The following CNTN4 variants were observed in gnomAD, a reference collection of about 807,000 sequenced individuals.
CNTN4 encodes contactin 4.
In CNTN4, 77 loss-of-function variants were observed where a neutral mutation model predicts 122.5. That is an observed-to-expected ratio of 0.63 (90% CI 0.52 to 0.76). CNTN4 has a LOEUF of 0.76. Ranked by LOEUF, CNTN4 falls within the 30% of genes least tolerant of loss-of-function variation. The pLI, the probability that CNTN4 is intolerant of heterozygous loss-of-function variation, is 0.00. For synonymous variants in CNTN4, 512 were observed against 447.0 expected (o/e 1.15, Z -1.83); for missense variants, 1,256 against 1,259.1 (o/e 1.00, Z 0.04).
chr3:2,797,272 G>A (rs769797086), intron 6 of CNTN4, among the ~76,000 whole-genome samples: 5 of 152,238 alleles, frequency 3.3e-5, no homozygotes, highest in African/African-American at 9.6e-5. Context: ...GGGATTACAG[G>A]CGTGAACCAC....
At chr3:2,359,721 A>G (rs1195671511) in intron 3 of CNTN4, among the ~76,000 whole-genome samples, 3 of 152,032 alleles carry the variant, frequency 2.0e-5, no homozygotes, top group Non-Finnish European at 4.4e-5. Flanking sequence ...TTGTATTTTT[A>G]GTAGAGACAG....
intron 23 of CNTN4, among the ~76,000 whole-genome samples, chr3:3,053,282 A>G (rs1291225661): frequency 6.6e-6 from 1 of 152,158 alleles, no homozygotes; most frequent in Non-Finnish European, 1.5e-5. Context: ...TGAGTCACCC[A>G]CCTTGGCCTC....
chr3:2,697,728 T>C (rs1398274254), intron 4 of CNTN4, among the ~76,000 whole-genome samples: 3 of 152,148 alleles, frequency 2.0e-5, no homozygotes, highest in African/African-American at 4.8e-5. Flanking sequence ...AAAAAAAAGA[T>C]ACTTATTTTA....
In CNTN4 at chr3:2,129,152, C is replaced by T. The variant is rs143385948; in HGVS notation, c.-145+28513C>T. Among the ~76,000 whole-genome samples, 9 of 151,052 alleles carry T rather than the reference C, an allele frequency of 6.0e-5. 1 individual carries two copies. In the East Asian group the frequency reaches 1.8e-3, roughly 30 times the overall value. ...AATTTCACCAACTTTATGAAGCTAA[C>T]ATTTCCTGAGCTTTAACATTTTTCA... On this transcript the variant is annotated intron_variant, in intron 2 of 24. Coordinates refer to ENST00000418658, the MANE Select transcript of CNTN4 (RefSeq NM_175607.3).
chr3:2,837,853 A>G (rs2093262888), intron 7 of CNTN4, among the ~76,000 whole-genome samples: 1 of 152,172 alleles, frequency 6.6e-6, no homozygotes, highest in African/African-American at 2.4e-5. Flanking sequence ...TTGGTAGCAG[A>G]TACCATACCA....
intron 4 of CNTN4, among the ~76,000 whole-genome samples, chr3:2,706,096 C>T (rs2086718419): frequency 1.3e-5 from 2 of 149,030 alleles, no homozygotes; most frequent in Non-Finnish European, 3.0e-5. Flanking sequence ...TTCTCATCTT[C>T]TTTGGTAGAG....
chr3:2,377,315 A>G (rs1315533149), intron 3 of CNTN4, among the ~76,000 whole-genome samples: 2 of 152,184 alleles, frequency 1.3e-5, no homozygotes, highest in African/African-American at 2.4e-5. Flanking sequence ...ACTCTCTTTA[A>G]TATGAGTGCT....
At chr3:2,402,250 C>T (rs1200796971) in intron 3 of CNTN4, among the ~76,000 whole-genome samples, 2 of 152,038 alleles carry the variant, frequency 1.3e-5, no homozygotes, top group Non-Finnish European at 2.9e-5. Flanking sequence ...CACCTCTTTT[C>T]TGTTTGACAG....
At position 2,887,170 on chromosome 3, in the gene CNTN4, G is replaced by A. The variant is rs1335106451; in HGVS notation, c.886G>A (p.Val296Ile). ...QQEDAGLYEC[V>I]AENSRGKNVA... ...GGAGGATGCTGGTTTATATGAATGTGTAGCTGAAAATTCCAGAGGGAAAAA... is the reference window on the plus strand; with the variant it reads ...GGAGGATGCTGGTTTATATGAATGTATAGCTGAAAATTCCAGAGGGAAAAA... Residue 296 changes from valine (V) to isoleucine (I), a missense_variant, in exon 10 of 25, where the codon GTA (valine) becomes ATA (isoleucine). Physicochemically the swap from Val to Ile is conservative, Grantham distance 29. Coordinates refer to ENST00000418658, the MANE Select transcript of CNTN4 (RefSeq NM_175607.3). 1.2e-6 allele frequency: 2 copies of A among 1,614,062 alleles called. No homozygotes were observed. The highest frequency in any genetic ancestry group is 1.1e-5 in the South Asian group (1 of 91,080).
intron 23 of CNTN4, among the ~76,000 whole-genome samples, chr3:3,044,528 A>G (rs1700446041): frequency 6.6e-6 from 1 of 152,190 alleles, no homozygotes; most frequent in African/African-American, 2.4e-5. Flanking sequence ...TCCTCACAGT[A>G]TGGTGACCTC....
intron 2 of CNTN4, among the ~76,000 whole-genome samples, chr3:2,170,298 C>A (rs140418475): frequency 1.7e-4 from 26 of 151,608 alleles, no homozygotes; most frequent in East Asian, 1.2e-3. Context: ...CCAGCCTGGG[C>A]GACACACCAA....
chr3:3,018,705 T>G (rs931360858), intron 14 of CNTN4, among the ~76,000 whole-genome samples: 4 of 152,200 alleles, frequency 2.6e-5, no homozygotes, highest in African/African-American at 9.7e-5. Flanking sequence ...CACACATAGA[T>G]ATTTCCCAGC....
chr3:2,709,338 G>A lies in CNTN4; in HGVS notation c.56-26877G>A, dbSNP rs570949765. On this transcript the variant is annotated intron_variant, in intron 4 of 24. Transcript: ENST00000418658. This position sits in a 1 kb window ranked among gnomAD's most constrained non-coding sequence, Gnocchi z 5.0. ...CTTGGCTGCATATTAGAATCATCTG[G>A]GGGTCCTTAAAAAATACTGATGCGT... Among the ~76,000 whole-genome samples, 4 of 152,084 alleles carry A rather than the reference G, an allele frequency of 2.6e-5. No individual in the cohort carries two copies. Among genetic ancestry groups the A allele is most frequent in the South Asian group, 4.1e-4 (2 of 4,824 alleles).
At chr3:2,196,539 A>G (rs926802949) in intron 2 of CNTN4, among the ~76,000 whole-genome samples, 3 of 152,164 alleles carry the variant, frequency 2.0e-5, no homozygotes, top group African/African-American at 4.8e-5. Flanking sequence ...AGTGCTAGTC[A>G]TGTAACCTCT....
At chr3:2,406,076 A>T (rs544866743) in intron 3 of CNTN4, among the ~76,000 whole-genome samples, 46 of 152,178 alleles carry the variant, frequency 3.0e-4, no homozygotes, top group Non-Finnish European at 5.9e-5. Context: ...TATGGTAATA[A>T]TTGTTGCAGA....
chr3:2,386,601 A>G (rs1235775609), intron 3 of CNTN4, among the ~76,000 whole-genome samples: 1 of 151,702 alleles, frequency 6.6e-6, no homozygotes, highest in African/African-American at 2.4e-5. Flanking sequence ...CAAATATCAC[A>G]TGTTTGAAGC....
intron 2 of CNTN4, among the ~76,000 whole-genome samples, chr3:2,166,288 A>G (rs927303187): frequency 5.3e-5 from 8 of 152,102 alleles, no homozygotes; most frequent in Non-Finnish European, 1.2e-4. Flanking sequence ...CACACCTGTT[A>G]GGATTTTTTT....
At chr3:2,660,669 T>C (rs984567990) in intron 4 of CNTN4, among the ~76,000 whole-genome samples, 17 of 152,238 alleles carry the variant, frequency 1.1e-4, no homozygotes, top group Non-Finnish European at 2.5e-4. Flanking sequence ...TTTTGGGGAT[T>C]ATACCTGCCT....
intron 3 of CNTN4, among the ~76,000 whole-genome samples, chr3:2,472,428 T>C (rs1330685431): frequency 2.0e-5 from 3 of 152,080 alleles, no homozygotes; most frequent in South Asian, 2.1e-4. Context: ...TTAGTAGATA[T>C]GGGTTTTGTC....
Sources: allele counts gnomAD v4.1 joint callset (sites outside exome capture counted in the v4.1 genomes callset), GRCh38; gene constraint gnomAD v4.1.1; non-coding constraint Gnocchi (gnomAD v3.1); transcripts MANE v1.5; gene names NCBI Gene and HGNC (gene_info 2026-07-23, HGNC 2026-07-21).